Variants in RAD18 observed in about 807,000 individuals in gnomAD.
The protein encoded by RAD18 is E3 ubiquitin-protein ligase RAD18.
In RAD18, 47 loss-of-function variants were observed where a neutral mutation model predicts 60.4. The observed-to-expected ratio is 0.78, with a 90% CI of 0.62 to 0.99. The LOEUF (loss-of-function observed/expected upper bound fraction) is 0.99. Among genes scored for constraint, RAD18 ranks in the 50% least tolerant of loss-of-function variants. The pLI, the probability that RAD18 is intolerant of heterozygous loss-of-function variation, is 0.00. For synonymous variants in RAD18, 225 were observed against 195.5 expected, an observed-to-expected ratio of 1.15 and a Z score of -1.26; for missense variants, 640 against 593.3, an observed-to-expected ratio of 1.08 and a Z score of -0.82.
intron 7 of RAD18, among the ~76,000 whole-genome samples, chr3:8,935,474 G>A (rs11715626): frequency 0.13 from 19,721 of 152,142 alleles, 1,484 homozygotes; most frequent in East Asian, 0.23. Flanking sequence ...ATTATGAAGT[G>A]GGTAGTTATT....
chr3:8,951,006 AC>A (rs1227230815), intron 2 of RAD18, among the ~76,000 whole-genome samples: 1 of 152,212 alleles, frequency 6.6e-6, no homozygotes, highest in Non-Finnish European at 1.5e-5. Flanking sequence ...GAATAGAATA[AC>A]CAAGAACTGC....
At chr3:8,933,301 G>C (rs45569041) in intron 7 of RAD18, among the ~76,000 whole-genome samples, 2,382 of 152,152 alleles carry the variant, frequency 0.016, 62 homozygotes, top group African/African-American at 0.054. Flanking sequence ...AGTGTTTCCT[G>C]AGGTCTTAGA....
chr3:8,915,147 C>CA (rs373157801), intron 7 of RAD18, among the ~76,000 whole-genome samples: 2,635 of 101,392 alleles, frequency 0.026, 129 homozygotes, highest in African/African-American at 0.08. Flanking sequence ...GACTCCGTCT[C>CA]AAAAAAAAAA....
At chr3:8,921,694 A>G (rs527333437) in intron 7 of RAD18, among the ~76,000 whole-genome samples, 1 of 151,906 alleles carries the variant, frequency 6.6e-6, no homozygotes, top group Non-Finnish European at 1.5e-5. Flanking sequence ...ATGTCCAAAC[A>G]CTGTGGAAAT....
At chr3:8,950,544 AT>A (rs1226336134) in intron 2 of RAD18, among the ~76,000 whole-genome samples, 1 of 152,172 alleles carries the variant, frequency 6.6e-6, no homozygotes, top group Non-Finnish European at 1.5e-5. Flanking sequence ...AAAAGACCTA[AT>A]CATAGGACTA....
intron 7 of RAD18, among the ~76,000 whole-genome samples, chr3:8,914,223 T>C (rs1395730882): frequency 6.6e-6 from 1 of 152,242 alleles, no homozygotes; most frequent in Non-Finnish European, 1.5e-5. Flanking sequence ...AGATCTGGAA[T>C]ACACCCTGTC....
At chr3:8,902,563 A>C (rs780610115) in intron 9 of RAD18, 43 bp from the exon 10 acceptor site, 3 of 1,542,322 alleles carry the variant, frequency 1.9e-6, no homozygotes, top group Non-Finnish European at 2.6e-6. Flanking sequence ...GGACTATGAA[A>C]GTTAACCATC....
intron 11 of RAD18, among the ~76,000 whole-genome samples, chr3:8,897,407 C>T (rs1159293511): frequency 6.6e-6 from 1 of 152,134 alleles, no homozygotes; most frequent in African/African-American, 2.4e-5. Context: ...TACAAGCGTC[C>T]TTGATAACAG....
intron 7 of RAD18, among the ~76,000 whole-genome samples, chr3:8,917,051 A>C (rs1378041503): frequency 6.6e-6 from 1 of 152,204 alleles, no homozygotes; most frequent in Non-Finnish European, 1.5e-5. Flanking sequence ...ATAGACACAA[A>C]GACAAAATCA....
chr3:8,935,854 C>T lies in RAD18; in HGVS notation c.889+17G>A. 1 of 1,525,310 alleles carries T rather than the reference C, an allele frequency of 6.6e-7. No homozygotes were observed. Among genetic ancestry groups the T allele is most frequent in the Non-Finnish European group, 8.8e-7 (1 of 1,134,112 alleles). The allele number at this position is 1,525,310 out of a possible 1,614,324, so 94.5% of individuals were successfully genotyped here. A position where few individuals can be genotyped will look rare whatever the true frequency, so the allele number is the denominator to read the frequency against. ...TTATCCAGAAAGTAAGCATAACTCACTGTTTTATTACTTTACCTGATTTAG... is the reference window on the plus strand; with the variant it reads ...TTATCCAGAAAGTAAGCATAACTCATTGTTTTATTACTTTACCTGATTTAG... On this transcript the variant is annotated intron_variant, in intron 7 of 12. Transcript: ENST00000264926.
At chr3:8,881,756 C>T (rs765880637) in intron 12 of RAD18, among the ~76,000 whole-genome samples, 32 of 152,146 alleles carry the variant, frequency 2.1e-4, no homozygotes, top group Non-Finnish European at 4.0e-4. Flanking sequence ...AAAAGCTGCT[C>T]CCATCCTAAC....
rs768410886 is a variant in RAD18, at chr3:8,941,560, CTT to C, written c.509_510del (p.Lys170ArgfsTer16). 1 of 1,614,108 alleles carries C rather than the reference CTT, an allele frequency of 6.2e-7. No homozygotes were observed. Among genetic ancestry groups the C allele is most frequent in the East Asian group, 2.2e-5 (1 of 44,880 alleles). ...GCGATCTCTTCTACAGAACGTGTCT[CTT>C]TGGTCTTTGCAGCAGGGCTCGCCTC... is the stretch of plus-strand genomic sequence containing the variant. Reference protein sequence around the residue: ...QKEASPAAKTKETRSVEEIAP... With the variant: ...QKEASPAAKTXETRSVEEIAP... On this transcript the variant is annotated frameshift_variant, in exon 5 of 13. Coordinates refer to ENST00000264926, the MANE Select transcript of RAD18 (RefSeq NM_020165.4). LOFTEE classifies it high-confidence loss of function.
chr3:8,941,018 G>C (rs1940737783), intron 5 of RAD18, among the ~76,000 whole-genome samples: 1 of 152,240 alleles, frequency 6.6e-6, no homozygotes, highest in Middle Eastern at 3.2e-3. Context: ...GGGGAGGCTA[G>C]AGCAGGACTT....
At chr3:8,940,310 C>T (rs533714016) in intron 5 of RAD18, among the ~76,000 whole-genome samples, 2 of 151,994 alleles carry the variant, frequency 1.3e-5, no homozygotes, top group African/African-American at 4.8e-5. Flanking sequence ...CTATTTTATA[C>T]GTTATGGTTT....
At chr3:8,958,457 A>G (rs990604050) in intron 2 of RAD18, among the ~76,000 whole-genome samples, 1 of 152,248 alleles carries the variant, frequency 6.6e-6, no homozygotes, top group Non-Finnish European at 1.5e-5. Context: ...CCAGCGTCAC[A>G]TAGCAGTTAA....
rs557012862 is a variant in RAD18 at position 8,961,211 on chromosome 3, C to T, written c.51+2124G>A. Among the ~76,000 whole-genome samples, 718 of 152,284 alleles carry T rather than the reference C, an allele frequency of 4.7e-3. 9 individuals are homozygous for T. Among genetic ancestry groups the T allele is most frequent in the Non-Finnish European group, 6.8e-3 (463 of 68,032 alleles). On this transcript the variant is annotated intron_variant, in intron 1 of 12. Transcript: ENST00000264926. ...CTGGTTCAAATTTCTTGTCATGTCA[C>T]TCCAAGACAGTAACATGCATATCAC...
At chr3:8,945,468 C>CTTTTTTTTTTTTTTTTTTTTTTTTTTTTT (rs375744764) in intron 4 of RAD18, among the ~76,000 whole-genome samples, 3 of 96,374 alleles carry the variant, frequency 3.1e-5, no homozygotes, top group Non-Finnish European at 2.0e-5. Context: ...TTTCCATCTT[C>CTTTTTTTTTTTTTTTTTTTTTTTTTTTTT]TTTTTTTTTT....
intron 6 of RAD18, among the ~76,000 whole-genome samples, chr3:8,938,221 A>C (rs1940686235): frequency 6.6e-6 from 1 of 152,204 alleles, no homozygotes; most frequent in African/African-American, 2.4e-5. Context: ...AGGTGGGAGT[A>C]CTGTGCATGT....
At chr3:8,934,852 C>T (rs958240757) in intron 7 of RAD18, among the ~76,000 whole-genome samples, 17 of 152,002 alleles carry the variant, frequency 1.1e-4, no homozygotes, top group African/African-American at 3.9e-4. Flanking sequence ...TAAGATGATA[C>T]GTTTATACAA....
Sources: gnomAD v4.1 joint callset for allele counts (sites outside exome capture counted in the v4.1 genomes callset) on GRCh38, gnomAD v4.1.1 for gene constraint, MANE v1.5 for transcripts, NCBI Gene and HGNC (gene_info 2026-07-23, HGNC 2026-07-21) for gene names.